Variants in RBFOX1 observed in about 807,000 individuals in gnomAD.
RBFOX1 encodes RNA binding protein fox-1 homolog 1.
Under a neutral mutation model 57.7 loss-of-function variants are expected in RBFOX1, and 8 were observed. That is an observed-to-expected ratio of 0.14 (90% CI 0.08 to 0.25). The LOEUF (loss-of-function observed/expected upper bound fraction) is 0.25, where lower values mean the gene tolerates loss of function less well. Ranked by LOEUF, RBFOX1 falls within the 10% of genes least tolerant of loss-of-function variation. RBFOX1 has a pLI of 1.00. For synonymous variants in RBFOX1, 326 were observed against 222.4 expected (o/e 1.47, Z -4.15); for missense variants, 611 against 548.5 (o/e 1.11, Z -1.14).
At chr16:6,969,239 T>C (rs952923525) in intron 3 of RBFOX1, among the ~76,000 whole-genome samples, 5 of 152,172 alleles carry the variant, frequency 3.3e-5, no homozygotes, top group South Asian at 2.1e-4. Flanking sequence ...ATAATGAAGT[T>C]CTTGGGAAGA....
At chr16:5,927,502 T>C (rs539781820) in intron 4 of RBFOX1, among the ~76,000 whole-genome samples, 1 of 152,346 alleles carries the variant, frequency 6.6e-6, no homozygotes, top group East Asian at 1.9e-4. Context: ...CTAGTGGGAA[T>C]GTAAATTAGT....
chr16:5,444,860 G>T (rs964972433), intron 1 of RBFOX1, among the ~76,000 whole-genome samples: 1 of 152,152 alleles, frequency 6.6e-6, no homozygotes, highest in Non-Finnish European at 1.5e-5. Context: ...CTGAATATCA[G>T]CACTTTGGTT....
intron 15 of RBFOX1, 27 bp from the exon 16 acceptor site, chr16:7,710,596 C>T: frequency 6.2e-7 from 1 of 1,609,608 alleles, no homozygotes; most frequent in Non-Finnish European, 8.5e-7. Flanking sequence ...ATGTAAAAAA[C>T]ACACCCCTCA....
chr16:6,939,495 A>C (rs576910987), intron 3 of RBFOX1, among the ~76,000 whole-genome samples: 1 of 126,340 alleles, frequency 7.9e-6, no homozygotes, highest in South Asian at 2.7e-4. Flanking sequence ...ATAGTTTCAG[A>C]ATTTTTCTTT....
intron 4 of RBFOX1, among the ~76,000 whole-genome samples, chr16:7,461,911 G>T (rs1274086264): frequency 6.6e-6 from 1 of 152,158 alleles, no homozygotes; most frequent in African/African-American, 2.4e-5. Flanking sequence ...ACTCCAGAGA[G>T]ACTTCTACCC....
chr16:5,322,956 C>T (rs948652305), intron 1 of RBFOX1, among the ~76,000 whole-genome samples: 1 of 152,102 alleles, frequency 6.6e-6, no homozygotes, highest in South Asian at 2.1e-4. Context: ...GTCTGAGGTC[C>T]TGGGGGCATG....
At chr16:5,421,866 G>A (rs898065974) in intron 1 of RBFOX1, among the ~76,000 whole-genome samples, 1 of 152,170 alleles carries the variant, frequency 6.6e-6, no homozygotes, top group Non-Finnish European at 1.5e-5. Flanking sequence ...CGGCACACGT[G>A]AAGGCATGCT....
chr16:6,665,551 G>A (rs1201258835), intron 3 of RBFOX1, among the ~76,000 whole-genome samples: 1 of 151,918 alleles, frequency 6.6e-6, no homozygotes, highest in African/African-American at 2.4e-5. Context: ...CTTAAACCTG[G>A]GAGGCGGTGA....
intron 2 of RBFOX1, among the ~76,000 whole-genome samples, chr16:5,474,958 A>G (rs1181874007): frequency 6.6e-6 from 1 of 152,100 alleles, no homozygotes; most frequent in Non-Finnish European, 1.5e-5. Flanking sequence ...GATGCATCCT[A>G]CCTTGGGTTT....
chr16:6,343,775 A>T (rs1487216542), intron 2 of RBFOX1, among the ~76,000 whole-genome samples: 1 of 152,190 alleles, frequency 6.6e-6, no homozygotes, highest in African/African-American at 2.4e-5. Context: ...CGTCTTTCTC[A>T]GTCATTTTGG....
chr16:6,541,397 G>C (rs1025491902), intron 2 of RBFOX1, among the ~76,000 whole-genome samples: 1 of 152,218 alleles, frequency 6.6e-6, no homozygotes, highest in Non-Finnish European at 1.5e-5. Flanking sequence ...TTATGGCAGT[G>C]AGCAGCACTG....
intron 3 of RBFOX1, among the ~76,000 whole-genome samples, chr16:7,038,765 G>T (rs1597708313): frequency 6.6e-6 from 1 of 152,300 alleles, no homozygotes; most frequent in East Asian, 1.9e-4. Flanking sequence ...ATGTTTGTCT[G>T]TCTGATTAAT....
At chr16:6,351,129 C>T (rs1047321699) in intron 2 of RBFOX1, among the ~76,000 whole-genome samples, 2 of 151,864 alleles carry the variant, frequency 1.3e-5, no homozygotes, top group African/African-American at 2.4e-5. Flanking sequence ...TAATGGAGTC[C>T]CTGTCTTGAC....
intron 3 of RBFOX1, among the ~76,000 whole-genome samples, chr16:6,884,601 C>A (rs4786944): frequency 3.9e-5 from 6 of 152,252 alleles, no homozygotes; most frequent in Non-Finnish European, 5.9e-5. Flanking sequence ...GATTAAAAAA[C>A]AAAAAAAACT....
chr16:6,664,111 A>C (rs2098717716), intron 3 of RBFOX1, among the ~76,000 whole-genome samples: 1 of 152,150 alleles, frequency 6.6e-6, no homozygotes, highest in Non-Finnish European at 1.5e-5. Flanking sequence ...CTCATAGATC[A>C]TGTTTATGTA....
In RBFOX1 at chr16:5,738,653, A is replaced by AAAAAAAAT. The variant is rs1334424630; in HGVS notation, c.319-128648_319-128647insAAAAATAA. Among the ~76,000 whole-genome samples the AAAAAAAAT allele has an allele frequency of 2.6e-5, 4 of 151,818 alleles. No individual in the cohort carries two copies. In the East Asian group the frequency reaches 7.8e-4, roughly 29 times the overall value. ...TGTCTCAGAAAAAAAAAAAAAAAAAAAAGGGAAATCTAAAGGAAGTATAAA... is the reference window on the plus strand; with the variant it reads ...TGTCTCAGAAAAAAAAAAAAAAAAAAAAAAAAATAAGGGAAATCTAAAGGAAGTATAAA... On this transcript the variant is annotated intron_variant, in intron 3 of 19. Transcript: ENST00000641259.
At chr16:6,049,192 T>G (rs2095526631) in intron 1 of RBFOX1, among the ~76,000 whole-genome samples, 1 of 151,600 alleles carries the variant, frequency 6.6e-6, no homozygotes, top group African/African-American at 2.4e-5. Flanking sequence ...GCCTCCCAAG[T>G]AGCTGGGATT....
chr16:6,897,170 A>G (rs944704913), intron 3 of RBFOX1, among the ~76,000 whole-genome samples: 1 of 152,210 alleles, frequency 6.6e-6, no homozygotes, highest in African/African-American at 2.4e-5. Flanking sequence ...GCGGCTGTAG[A>G]GTAGAGATTT....
At chr16:6,993,741 C>T (rs1040548489) in intron 3 of RBFOX1, among the ~76,000 whole-genome samples, 1 of 152,154 alleles carries the variant, frequency 6.6e-6, no homozygotes, top group Non-Finnish European at 1.5e-5. Context: ...AGCAGCCCAG[C>T]TCCATGGGCA....
Sources: gnomAD v4.1 joint callset for allele counts (sites outside exome capture counted in the v4.1 genomes callset) on GRCh38, gnomAD v4.1.1 for gene constraint, MANE v1.5 for transcripts, NCBI Gene and HGNC (gene_info 2026-07-23, HGNC 2026-07-21) for gene names.